PIP5K1B: variants seen among roughly 807,000 people sequenced by gnomAD.
PIP5K1B encodes the protein phosphatidylinositol-4-phosphate 5-kinase type 1 beta, also known as phosphatidylinositol 4-phosphate 5-kinase type-1 beta.
PIP5K1B carries 42 observed loss-of-function variants against 67.0 expected under a neutral mutation model. The observed-to-expected ratio is 0.63, with a 90% confidence interval of 0.49 to 0.81. The LOEUF is 0.81. Among genes scored for constraint, PIP5K1B ranks in the 30% least tolerant of loss-of-function variants. PIP5K1B has a pLI of 0.00. For missense variants in PIP5K1B, 459 were observed against 646.3 expected (o/e 0.71, Z 3.14); for synonymous variants, 214 against 231.4 (o/e 0.92, Z 0.68).
intron 1 of PIP5K1B, among the ~76,000 whole-genome samples, chr9:68,729,564 T>G (rs899045084): frequency 6.6e-6 from 1 of 152,164 alleles, no homozygotes; most frequent in African/African-American, 2.4e-5. Flanking sequence ...TATACACACA[T>G]AATGGTCAGT....
chr9:68,795,836 A>G (rs925291991), intron 2 of PIP5K1B, among the ~76,000 whole-genome samples: 1 of 152,228 alleles, frequency 6.6e-6, no homozygotes, highest in Non-Finnish European at 1.5e-5. Context: ...TAACACAGTC[A>G]ATCAACCTTG....
chr9:68,909,754 G>C (rs998039483), intron 8 of PIP5K1B, among the ~76,000 whole-genome samples: 1 of 152,170 alleles, frequency 6.6e-6, no homozygotes, highest in Non-Finnish European at 1.5e-5. Context: ...CTTCATATTT[G>C]ATGTCTCCCC....
chr9:68,785,237 A>G (rs1349414203), intron 2 of PIP5K1B, among the ~76,000 whole-genome samples: 1 of 152,176 alleles, frequency 6.6e-6, no homozygotes, highest in African/African-American at 2.4e-5. Flanking sequence ...GGCATTGAGG[A>G]TAAGAGAAGG....
intron 4 of PIP5K1B, among the ~76,000 whole-genome samples, chr9:68,860,749 A>G (rs761888716): frequency 3.9e-5 from 6 of 152,210 alleles, no homozygotes; most frequent in Non-Finnish European, 5.9e-5. Context: ...AGTTGTTACT[A>G]TGCCTCACGG....
intron 15 of PIP5K1B, among the ~76,000 whole-genome samples, chr9:69,004,239 T>C (rs530271353): frequency 2.2e-4 from 34 of 152,236 alleles, no homozygotes; most frequent in Non-Finnish European, 4.1e-4. Context: ...CACTTTTTAC[T>C]GTCAGGTATC....
intron 4 of PIP5K1B, among the ~76,000 whole-genome samples, chr9:68,842,894 CA>C (rs1263873432): frequency 2.6e-5 from 4 of 152,206 alleles, no homozygotes; most frequent in Non-Finnish European, 5.9e-5. Context: ...AATTTAGAAA[CA>C]GCTTGGCTTG....
At chr9:68,748,749 G>A (rs377386515) in intron 2 of PIP5K1B, among the ~76,000 whole-genome samples, 5 of 151,646 alleles carry the variant, frequency 3.3e-5, no homozygotes, top group African/African-American at 1.2e-4. Flanking sequence ...AGCCTCCTGA[G>A]TAGTGGGATT....
chr9:68,950,313 C>G (rs1400068726), intron 14 of PIP5K1B, among the ~76,000 whole-genome samples: 1 of 152,196 alleles, frequency 6.6e-6, no homozygotes, highest in African/African-American at 2.4e-5. Flanking sequence ...GAGTCCCCCT[C>G]TCCACCCTGA....
At chr9:68,911,431 A>G (rs1825846143) in intron 8 of PIP5K1B, among the ~76,000 whole-genome samples, 1 of 151,868 alleles carries the variant, frequency 6.6e-6, no homozygotes, top group African/African-American at 2.4e-5. Context: ...ATCATTAGAG[A>G]GAAGGAACGT....
chr9:68,780,668 CG>C, intron 2 of PIP5K1B: 1 of 1,614,204 alleles, frequency 6.2e-7, no homozygotes, highest in Non-Finnish European at 8.5e-7. Flanking sequence ...TAAGTAGCAA[CG>C]GATTGCCTCC....
At chr9:68,793,279 A>G (rs1832101468) in intron 2 of PIP5K1B, among the ~76,000 whole-genome samples, 1 of 152,118 alleles carries the variant, frequency 6.6e-6, no homozygotes, top group Admixed American at 6.5e-5. Context: ...GAGTGAGATG[A>G]GAGCCATCAC....
intron 2 of PIP5K1B, among the ~76,000 whole-genome samples, chr9:68,817,712 C>CTTTTT (rs1156788129): frequency 1.3e-4 from 12 of 93,622 alleles, no homozygotes; most frequent in African/African-American, 2.4e-4. Context: ...AGACCTCATT[C>CTTTTT]TTTTTTTTTT....
chr9:68,917,629 G>A lies in PIP5K1B; in HGVS notation c.853G>A (p.Glu285Lys), dbSNP rs1381996000. 6.2e-7 allele frequency: 1 copy of A among 1,613,862 alleles called. No individual in the cohort carries two copies. The highest frequency in any genetic ancestry group is 8.5e-7 in the Non-Finnish European group (1 of 1,179,864). ...FLDHSLKEKEEETPQNVPDAK... is the reference protein window; with the variant it reads ...FLDHSLKEKEKETPQNVPDAK... ...GGACCATTCCCTCAAAGAGAAAGAGGAGGAGACCCCACAAAATGTGCCTGA... is the reference window on the plus strand; with the variant it reads ...GGACCATTCCCTCAAAGAGAAAGAGAAGGAGACCCCACAAAATGTGCCTGA... Residue 285 changes from glutamate (E) to lysine (K), a missense_variant, in exon 9 of 16, where the codon GAG becomes AAG. Physicochemically the swap from Glu to Lys is moderately conservative, Grantham distance 56 (BLOSUM62 1). Around this residue, in one of 2 missense-constraint regions of PIP5K1B, gnomAD observed 290 missense variants for 474.4 expected, o/e 0.61. Coordinates refer to ENST00000265382, the MANE Select transcript of PIP5K1B (RefSeq NM_003558.4).
At chr9:68,850,520 AG>A (rs1238396347) in intron 4 of PIP5K1B, among the ~76,000 whole-genome samples, 4 of 152,330 alleles carry the variant, frequency 2.6e-5, no homozygotes, top group Admixed American at 2.6e-4. Context: ...GATGTCCCTG[AG>A]GGTAAAGTCA....
chr9:68,822,470 A>T, intron 3 of PIP5K1B, 145 bp from the exon 4 acceptor site: 1 of 553,898 alleles, frequency 1.8e-6, no homozygotes, highest in South Asian at 3.0e-5. Context: ...GTATTCTGAA[A>T]TGTTTCTGTC....
intron 14 of PIP5K1B, among the ~76,000 whole-genome samples, chr9:68,971,536 T>G (rs1195160473): frequency 6.6e-6 from 1 of 152,210 alleles, no homozygotes; most frequent in Non-Finnish European, 1.5e-5. Flanking sequence ...GGTCAAATGG[T>G]ATTTCTAGTT....
rs751112047 is a variant in PIP5K1B, at chr9:68,971,098, C to T, written c.1503-20042C>T. Among the ~76,000 whole-genome samples the T allele has an allele frequency of 4.1e-4, 62 of 152,104 alleles. 1 individual carries two copies. Among genetic ancestry groups the T allele is most frequent in the Admixed American group, 2.6e-3 (39 of 15,274 alleles). The stretch of plus-strand genomic sequence containing the variant: ...ACATGTGCCATGGTGGTTTGCTGCA[C>T]CCCTCAACCCGTCATCTCCATTAGG... On this transcript the variant is annotated intron_variant, in intron 14 of 15. Coordinates refer to ENST00000265382, the MANE Select transcript of PIP5K1B (RefSeq NM_003558.4).
At chr9:68,768,723 T>C (rs1032073214) in intron 2 of PIP5K1B, among the ~76,000 whole-genome samples, 7 of 152,342 alleles carry the variant, frequency 4.6e-5, no homozygotes, top group Middle Eastern at 6.8e-3. Flanking sequence ...GCTTGGGCAA[T>C]GTATGGCATC....
At chr9:68,727,124 A>G (rs1382168990) in intron 1 of PIP5K1B, among the ~76,000 whole-genome samples, 1 of 152,328 alleles carries the variant, frequency 6.6e-6, no homozygotes, top group East Asian at 1.9e-4. Flanking sequence ...TAAACAGAAG[A>G]ATTAGAAGAA....
Sources: gnomAD v4.1 joint callset for allele counts (sites outside exome capture counted in the v4.1 genomes callset) on GRCh38, gnomAD v4.1.1 for gene constraint, gnomAD v4.1.1 regional missense constraint, MANE v1.5 for transcripts, NCBI Gene and HGNC (gene_info 2026-07-23, HGNC 2026-07-21) for gene names.